RUVBL1: variants seen among roughly 807,000 people sequenced by gnomAD.
RUVBL1 encodes the protein RuvB like AAA ATPase 1.
In RUVBL1, 4 loss-of-function variants were observed where a neutral mutation model predicts 52.4. The observed-to-expected ratio is 0.08, with a 90% confidence interval of 0.04 to 0.17. RUVBL1 has a LOEUF of 0.17. Among genes scored for constraint, RUVBL1 ranks in the 10% least tolerant of loss-of-function variants. The pLI, the probability that RUVBL1 is intolerant of heterozygous loss-of-function variation, is 1.00. For synonymous variants in RUVBL1, 217 were observed against 214.4 expected, an observed-to-expected ratio of 1.01 and a Z score of -0.10; for missense variants, 298 against 572.8, an observed-to-expected ratio of 0.52 and a Z score of 4.90.
At chr3:128,147,677 A>T (rs542141363) in intron 1 of RUVBL1, among the ~76,000 whole-genome samples, 11 of 152,298 alleles carry the variant, frequency 7.2e-5, no homozygotes, top group African/African-American at 2.6e-4. Context: ...TGATACAGCC[A>T]CTCTGGAAAA....
intron 3 of RUVBL1, among the ~76,000 whole-genome samples, chr3:128,105,680 T>C (rs1943214181): frequency 6.6e-6 from 1 of 152,096 alleles, no homozygotes; most frequent in Non-Finnish European, 1.5e-5. Context: ...TCTGACACTA[T>C]GAAACCTGAG....
At chr3:128,066,425 A>G (rs776296946) in intron 9 of RUVBL1, among the ~76,000 whole-genome samples, 1 of 150,300 alleles carries the variant, frequency 6.7e-6, no homozygotes, top group African/African-American at 2.4e-5. Flanking sequence ...GCTTGCTTCC[A>G]TGTTTTGTTT....
chr3:128,104,965 C>A, intron 3 of RUVBL1, 41 bp from the exon 4 acceptor site: 1 of 1,575,508 alleles, frequency 6.3e-7, no homozygotes, highest in South Asian at 1.1e-5. Context: ...GAAGCAGAAT[C>A]TTTTCTCTCA....
intron 8 of RUVBL1, among the ~76,000 whole-genome samples, chr3:128,096,985 G>A (rs541925220): frequency 4.7e-4 from 72 of 152,180 alleles, no homozygotes; most frequent in African/African-American, 1.5e-3. Context: ...GACTGAAGAC[G>A]TTCATGTGTA....
At chr3:128,112,865 C>T (rs1259469111) in intron 3 of RUVBL1, 23 bp downstream of exon 3, 1 of 1,610,514 alleles carries the variant, frequency 6.2e-7, no homozygotes, top group East Asian at 2.2e-5. Flanking sequence ...ACCAACTCCT[C>T]CCACAAATGT....
At chr3:128,125,513 A>G (rs1259045368), upstream of RUVBL1, among the ~76,000 whole-genome samples, 1 of 152,238 alleles carries the variant, frequency 6.6e-6, no homozygotes. Flanking sequence ...TGCCTGGCAC[A>G]CAGCCTACAA....
At chr3:128,122,991 T>C (rs1455953580) in intron 1 of RUVBL1, among the ~76,000 whole-genome samples, 1 of 152,206 alleles carries the variant, frequency 6.6e-6, no homozygotes, top group Non-Finnish European at 1.5e-5. Context: ...GAGGGGTGGA[T>C]AAACCAGATT....
At chr3:128,097,264 T>A in intron 8 of RUVBL1, 36 bp downstream of exon 8, 1 of 1,594,970 alleles carries the variant, frequency 6.3e-7, no homozygotes, top group South Asian at 1.1e-5. Context: ...AGATGGAAGT[T>A]AAAAAAGCCT....
At chr3:128,065,732 A>ATTTTTTTTTTTTTTTTTTTTTTTTTT (rs758640768) in intron 9 of RUVBL1, among the ~76,000 whole-genome samples, 1 of 97,528 alleles carries the variant, frequency 1.0e-5, no homozygotes. Context: ...ATCATTAAGA[A>ATTTTTTTTTTTTTTTTTTTTTTTTTT]TTTTTTTTTT....
At chr3:128,086,937 G>A (rs11719889) in intron 9 of RUVBL1, among the ~76,000 whole-genome samples, 34,833 of 152,192 alleles carry the variant, frequency 0.23, 4,061 homozygotes, top group South Asian at 0.27. Context: ...GGGCATGCAC[G>A]GTGTGCCAGC....
intron 1 of RUVBL1, among the ~76,000 whole-genome samples, chr3:128,133,081 G>T (rs1468605128): frequency 6.6e-6 from 1 of 152,230 alleles, no homozygotes; most frequent in African/African-American, 2.4e-5. Flanking sequence ...TGGATCTTGA[G>T]TGAGCATCAG....
chr3:128,097,637 G>A, intron 7 of RUVBL1, 139 bp from the exon 8 acceptor site: 1 of 714,912 alleles, frequency 1.4e-6, no homozygotes, highest in Non-Finnish European at 2.4e-6. Context: ...CAGACAGGGT[G>A]TGTCCCCACT....
Position 128,107,076 on chromosome 3 carries a change from A to G in RUVBL1, c.362-2152T>C, listed in dbSNP as rs886235716. Among the ~76,000 whole-genome samples, 3 of 152,346 alleles carry G rather than the reference A, an allele frequency of 2.0e-5. No individual in the cohort carries two copies. In the East Asian group the frequency reaches 5.8e-4, roughly 29 times the overall value. On this transcript the variant is annotated intron_variant, in intron 3 of 10. Transcript: ENST00000322623. ...TACTTTAAAAAAAAATTTTAAGTAA[A>G]TAATACCAGTGGGACCCGGTGAAGT...
exon 1 of RUVBL1, chr3:128,153,474 G>A (rs1944289573): frequency 8.2e-6 from 12 of 1,461,906 alleles, no homozygotes; most frequent in African/African-American, 1.5e-5. Context: ...GGTGAGGGGC[G>A]GGCCGGGCGG....
upstream of RUVBL1, among the ~76,000 whole-genome samples, chr3:128,128,129 C>T (rs993301594): frequency 3.9e-5 from 6 of 152,106 alleles, no homozygotes; most frequent in African/African-American, 1.2e-4. Context: ...AGTAGCTGGG[C>T]ATGCGCCACC....
exon 1 of RUVBL1, chr3:128,153,554 T>C: frequency 1.3e-6 from 2 of 1,531,042 alleles, no homozygotes; most frequent in East Asian, 2.6e-5. Flanking sequence ...CTGGGCCACA[T>C]CGACAGCGGC....
intron 7 of RUVBL1, among the ~76,000 whole-genome samples, chr3:128,098,394 A>C (rs1347777062): frequency 6.6e-6 from 1 of 152,226 alleles, no homozygotes; most frequent in East Asian, 1.9e-4. Context: ...AGGTGACGAA[A>C]CTGTAGGTGG....
intron 3 of RUVBL1, among the ~76,000 whole-genome samples, chr3:128,109,812 T>TA (rs1038382753): frequency 5.8e-5 from 7 of 121,448 alleles, no homozygotes; most frequent in African/African-American, 2.4e-4. Flanking sequence ...TCTGTAAATT[T>TA]TTTTTTTTTT....
chr3:128,127,698 A>T (rs931877813), upstream of RUVBL1, among the ~76,000 whole-genome samples: 1 of 152,174 alleles, frequency 6.6e-6, no homozygotes, highest in Admixed American at 6.5e-5. Context: ...CCAAGTAATG[A>T]TTAAATGTTG....
Sources: allele counts gnomAD v4.1 joint callset (sites outside exome capture counted in the v4.1 genomes callset), GRCh38; gene constraint gnomAD v4.1.1; transcripts MANE v1.5; gene names NCBI Gene and HGNC (gene_info 2026-07-23, HGNC 2026-07-21).